GRM1: variants seen among roughly 807,000 people sequenced by gnomAD.
The protein encoded by GRM1 is metabotropic glutamate receptor 1.
Under a neutral mutation model 90.9 loss-of-function variants are expected in GRM1, and 33 were observed. The observed-to-expected ratio is 0.36, with a 90% CI of 0.28 to 0.49. GRM1 has a LOEUF of 0.49. Among genes scored for constraint, GRM1 ranks in the 20% least tolerant of loss-of-function variants. GRM1 has a pLI of 0.99. For synonymous variants in GRM1, 700 were observed against 613.2 expected (o/e 1.14, Z -2.09); for missense variants, 1,190 against 1,534.3 (o/e 0.78, Z 3.75).
chr6:146,043,035 T>C (rs1043752361), intron 1 of GRM1, among the ~76,000 whole-genome samples: 7 of 151,934 alleles, frequency 4.6e-5, no homozygotes, highest in African/African-American at 1.7e-4. Flanking sequence ...CAGTGGCTCA[T>C]GCATATAATA....
intron 3 of GRM1, among the ~76,000 whole-genome samples, chr6:146,326,614 A>G (rs1175285031): frequency 6.6e-6 from 1 of 152,134 alleles, no homozygotes; most frequent in Non-Finnish European, 1.5e-5. Context: ...TAAAAGTGAT[A>G]TGAATAAATA....
intron 1 of GRM1, among the ~76,000 whole-genome samples, chr6:146,128,916 T>TG (rs1776292348): frequency 6.6e-6 from 1 of 152,176 alleles, no homozygotes; most frequent in African/African-American, 2.4e-5. Context: ...TAGTTAAAGC[T>TG]GTAAAAACCC....
rs145286572 is a variant in GRM1, at chr6:146,381,076, C to T, written c.1603-5814C>T. Reference sequence around the variant, plus strand: ...GTCTCTTTTGGAGCTACCAGCTGTACAGGCTGGGGTTAGGGGAGGTGTGAT... The same window carrying T: ...GTCTCTTTTGGAGCTACCAGCTGTATAGGCTGGGGTTAGGGGAGGTGTGAT... On this transcript the variant is annotated intron_variant, in intron 5 of 7. Coordinates refer to ENST00000282753, the MANE Select transcript of GRM1 (RefSeq NM_001278064.2). 1.4e-4 allele frequency among the ~76,000 whole-genome samples: 22 copies of T among 152,274 alleles called. 1 individual carries two copies. Among genetic ancestry groups the T allele is most frequent in the African/African-American group, 4.8e-4 (20 of 41,560 alleles).
intron 1 of GRM1, among the ~76,000 whole-genome samples, chr6:146,105,355 C>A (rs1007483223): frequency 2.6e-5 from 4 of 152,022 alleles, no homozygotes; most frequent in African/African-American, 9.7e-5. Context: ...ACTCCCAAGG[C>A]AAATACCCTT....
intron 2 of GRM1, among the ~76,000 whole-genome samples, 192 bp from the exon 3 acceptor site, chr6:146,304,419 A>G (rs1783502530): frequency 6.6e-6 from 1 of 152,174 alleles, no homozygotes; most frequent in Non-Finnish European, 1.5e-5. Context: ...ATTGTGAAAA[A>G]CAAAGAAACA....
intron 5 of GRM1, among the ~76,000 whole-genome samples, chr6:146,363,319 C>A (rs1775561323): frequency 6.6e-6 from 1 of 152,078 alleles, no homozygotes; most frequent in Non-Finnish European, 1.5e-5. Flanking sequence ...TCCTTAGCTC[C>A]CTTATTTTAA....
At chr6:146,252,920 C>T (rs184369051) in intron 2 of GRM1, among the ~76,000 whole-genome samples, 5 of 151,310 alleles carry the variant, frequency 3.3e-5, no homozygotes, top group Middle Eastern at 3.4e-3. Flanking sequence ...ATTAGCTGGG[C>T]GTGGTGGCGT....
intron 7 of GRM1, among the ~76,000 whole-genome samples, chr6:146,405,456 G>C (rs1239398355): frequency 6.6e-6 from 1 of 152,172 alleles, no homozygotes; most frequent in African/African-American, 2.4e-5. Context: ...GTATTAATGC[G>C]CTCAGGTTGT....
At chr6:146,319,512 A>G (rs1277929145) in intron 3 of GRM1, among the ~76,000 whole-genome samples, 2 of 152,060 alleles carry the variant, frequency 1.3e-5, no homozygotes, top group African/African-American at 4.8e-5. Context: ...AAGAAAGTCA[A>G]TGGTAGCTTG....
chr6:146,220,918 A>G (rs1780037429), intron 2 of GRM1, among the ~76,000 whole-genome samples: 1 of 152,080 alleles, frequency 6.6e-6, no homozygotes, highest in East Asian at 1.9e-4. Flanking sequence ...AGGAAGAAGA[A>G]ATAGCATGTG....
intron 5 of GRM1, among the ~76,000 whole-genome samples, chr6:146,384,517 G>T (rs564422907): frequency 2.0e-5 from 3 of 152,170 alleles, no homozygotes; most frequent in Non-Finnish European, 2.9e-5. Flanking sequence ...TTGCTTAACT[G>T]CATGCTCAAA....
At chr6:146,370,765 G>T (rs1471816033) in intron 5 of GRM1, among the ~76,000 whole-genome samples, 1 of 152,002 alleles carries the variant, frequency 6.6e-6, no homozygotes, top group African/African-American at 2.4e-5. Context: ...ACTGAGGCTT[G>T]TGCAAGGTAT....
At chr6:146,183,814 A>G (rs1328686757) in intron 2 of GRM1, among the ~76,000 whole-genome samples, 6 of 152,140 alleles carry the variant, frequency 3.9e-5, no homozygotes, top group Non-Finnish European at 8.8e-5. Flanking sequence ...GGTGGTTCCA[A>G]TATCTACCCT....
At chr6:146,417,381 T>C (rs962310806) in intron 7 of GRM1, among the ~76,000 whole-genome samples, 2 of 152,220 alleles carry the variant, frequency 1.3e-5, no homozygotes, top group African/African-American at 4.8e-5. Context: ...TATGCCAATC[T>C]TGATCCCTCC....
intron 5 of GRM1, among the ~76,000 whole-genome samples, chr6:146,362,082 T>C (rs945258529): frequency 1.3e-5 from 2 of 152,180 alleles, no homozygotes; most frequent in Non-Finnish European, 2.9e-5. Flanking sequence ...CTCTCTCTGC[T>C]CTCTTCTCCT....
chr6:146,087,907 G>A (rs1338615236), intron 1 of GRM1, among the ~76,000 whole-genome samples: 5 of 152,084 alleles, frequency 3.3e-5, no homozygotes, highest in African/African-American at 4.8e-5. Context: ...GGACATTTGT[G>A]TGCATGTTTT....
chr6:146,367,271 T>G (rs1775726249), intron 5 of GRM1, among the ~76,000 whole-genome samples: 1 of 152,172 alleles, frequency 6.6e-6, no homozygotes, highest in African/African-American at 2.4e-5. Context: ...GTGTCTGTTT[T>G]TATGCCAGAA....
intron 2 of GRM1, among the ~76,000 whole-genome samples, chr6:146,226,156 G>A (rs1464984716): frequency 6.6e-6 from 1 of 152,128 alleles, no homozygotes; most frequent in Non-Finnish European, 1.5e-5. Flanking sequence ...AAATTTGGAC[G>A]AACAGGGCAA....
chr6:146,409,999 C>A (rs1054951805), intron 7 of GRM1, among the ~76,000 whole-genome samples: 32 of 152,192 alleles, frequency 2.1e-4, no homozygotes, highest in African/African-American at 6.5e-4. Flanking sequence ...ATGCTCCTAG[C>A]AAATACCCTC....
Sources: gnomAD v4.1 joint callset for allele counts (sites outside exome capture counted in the v4.1 genomes callset) on GRCh38, gnomAD v4.1.1 for gene constraint, MANE v1.5 for transcripts, NCBI Gene and HGNC (gene_info 2026-07-23, HGNC 2026-07-21) for gene names.